The following SGCD variants were observed in gnomAD, a reference collection of about 807,000 sequenced individuals.
The protein encoded by SGCD is delta-sarcoglycan.
In SGCD, 18 loss-of-function variants were observed where a neutral mutation model predicts 36.6. The observed-to-expected ratio is 0.49, with a 90% CI of 0.34 to 0.73. The LOEUF is 0.73. Ranked by LOEUF, SGCD falls within the 30% of genes least tolerant of loss-of-function variation. The pLI, the probability that SGCD is intolerant of heterozygous loss-of-function variation, is 0.01. For missense variants in SGCD, 387 were observed against 346.7 expected, an observed-to-expected ratio of 1.12 and a Z score of -0.92; for synonymous variants, 133 against 130.6, an observed-to-expected ratio of 1.02 and a Z score of -0.12.
intron 4 of SGCD, among the ~76,000 whole-genome samples, chr5:156,573,196 C>G (rs1404488788): frequency 6.6e-6 from 1 of 152,120 alleles, no homozygotes; most frequent in Non-Finnish European, 1.5e-5. Flanking sequence ...AAGAGCTTTA[C>G]AGACTCAGCA....
At chr5:156,314,556 T>C (rs980733965) in intron 3 of SGCD, among the ~76,000 whole-genome samples, 1 of 152,034 alleles carries the variant, frequency 6.6e-6, no homozygotes, top group Non-Finnish European at 1.5e-5. Context: ...TACTCCAGCC[T>C]AGGCAGTATG....
chr5:156,661,858 C>T lies in SGCD; in HGVS notation c.575+14322C>T, dbSNP rs1186562969. ...TTTGTTATTCGTAATCTTGTCTGAC[C>T]GATTAATGTAGCTATTTGATCCAAG... is the stretch of plus-strand genomic sequence containing the variant. On this transcript the variant is annotated intron_variant, in intron 7 of 8. Transcript: ENST00000337851. Among the ~76,000 whole-genome samples the T allele has an allele frequency of 1.4e-4, 22 of 152,128 alleles. No individual in the cohort carries two copies. The Middle Eastern group carries it at 0.014, about 94-fold the overall frequency.
At chr5:156,688,119 T>G (rs1174479126) in intron 7 of SGCD, among the ~76,000 whole-genome samples, 1 of 152,122 alleles carries the variant, frequency 6.6e-6, no homozygotes, top group African/African-American at 2.4e-5. Context: ...TTAGGTAAAC[T>G]CGTGTCGCGG....
intron 8 of SGCD, chr5:156,758,038 T>C (rs1757406082): frequency 1.9e-6 from 2 of 1,069,006 alleles, no homozygotes; most frequent in Admixed American, 5.0e-5. Context: ...GTATATATTA[T>C]ACACATCTGG....
At chr5:156,342,995 G>A (rs1768744345) in intron 2 of SGCD, among the ~76,000 whole-genome samples, 1 of 152,122 alleles carries the variant, frequency 6.6e-6, no homozygotes, top group Admixed American at 6.5e-5. Context: ...ATTTCAGTTA[G>A]CCATAAGGAA....
the SGCD span, among the ~76,000 whole-genome samples, chr5:155,821,504 G>T: frequency 6.6e-6 from 1 of 152,116 alleles, no homozygotes; most frequent in South Asian, 2.1e-4. Flanking sequence ...TAGTAGAGAT[G>T]GGGTTTCACC....
Position 156,767,484 on chromosome 5 carries a change from G to GAAAAAAAA in SGCD, c.*8107_*8114dup, listed in dbSNP as rs397736317. 1.4e-5 allele frequency: 1 copy of GAAAAAAAA among 72,208 alleles called. No homozygotes were observed. Among genetic ancestry groups the GAAAAAAAA allele is most frequent in the African/African-American group, 4.5e-5 (1 of 22,322 alleles). The allele number at this position is 72,208 out of a possible 1,614,324, so 4.5% of individuals were successfully genotyped here. On this transcript the variant is annotated 3_prime_UTR_variant, in exon 9 of 9. Coordinates refer to ENST00000337851, the MANE Select transcript of SGCD (RefSeq NM_000337.6). Reference sequence around the variant, plus strand: ...GAAGTCCCATTTGCTTGGAGATTTTGAAAAAAAAAAAAAAAAAAAACCCAT... The same window carrying GAAAAAAAA: ...GAAGTCCCATTTGCTTGGAGATTTTGAAAAAAAAAAAAAAAAAAAAAAAAAAAACCCAT...
At chr5:156,330,016 C>CAAAAAAAAAAAA (rs758475764) in intron 2 of SGCD, among the ~76,000 whole-genome samples, 1 of 57,564 alleles carries the variant, frequency 1.7e-5, no homozygotes. Flanking sequence ...GATTCAGTCT[C>CAAAAAAAAAAAA]AAAAAAAAAA....
At chr5:156,056,675 A>C (rs968707999) in intron 1 of SGCD, among the ~76,000 whole-genome samples, 1 of 140,816 alleles carries the variant, frequency 7.1e-6, no homozygotes, top group African/African-American at 2.6e-5. Context: ...ACAGTCTCCA[A>C]ATTTTCAGAG....
chr5:156,121,098 A>G (rs965147543), intron 2 of SGCD, among the ~76,000 whole-genome samples: 10 of 152,154 alleles, frequency 6.6e-5, no homozygotes, highest in African/African-American at 2.4e-4. Flanking sequence ...TGGTCCAGAC[A>G]AAGTTGCCCA....
rs1403942187 is a variant in SGCD, at chr5:156,420,669, A to T, written c.192+75992A>T. On this transcript the variant is annotated intron_variant, in intron 3 of 8. Coordinates refer to ENST00000337851, the MANE Select transcript of SGCD (RefSeq NM_000337.6). ...GTGCTCAGGTTTTTGCTGAGATAAG[A>T]TATCAATGAGATATTTCCACCATGG... Among the ~76,000 whole-genome samples, 17 of 152,104 alleles carry T rather than the reference A, an allele frequency of 1.1e-4. 1 individual carries two copies. The highest frequency in any genetic ancestry group is 2.5e-4 in the Non-Finnish European group (17 of 67,996).
intron 7 of SGCD, among the ~76,000 whole-genome samples, chr5:156,654,184 G>C (rs143242587): frequency 1.3e-5 from 2 of 152,284 alleles, no homozygotes; most frequent in African/African-American, 4.8e-5. Context: ...ATGAGGTACA[G>C]ATGCTTATAT....
Position 156,237,582 on chromosome 5 carries a change from G to A in SGCD, c.-43-91952G>A, listed in dbSNP as rs1177774486. On this transcript the variant is annotated intron_variant, in intron 3 of 9. Coordinates refer to the SGCD transcript ENST00000517913. ...AGAGGTTGCAGTAAGCTGAGATCAC[G>A]CCACTGAACACCAGCCTGGGCAACA... Among the ~76,000 whole-genome samples the A allele has an allele frequency of 4.6e-5, 7 of 152,000 alleles. No homozygotes were observed. In the East Asian group the frequency reaches 5.8e-4, roughly 13 times the overall value.
At chr5:156,597,758 T>A (rs1760989991) in intron 6 of SGCD, among the ~76,000 whole-genome samples, 1 of 140,604 alleles carries the variant, frequency 7.1e-6, no homozygotes, top group South Asian at 2.3e-4. Flanking sequence ...ATACTCTTTT[T>A]ATAAAAGGTC....
At chr5:156,246,829 GACA>G in intron 3 of SGCD, among the ~76,000 whole-genome samples, 1 of 152,162 alleles carries the variant, frequency 6.6e-6, no homozygotes, top group East Asian at 1.9e-4. Context: ...TAGAAACACT[GACA>G]ACAACATACA....
At chr5:156,202,975 C>T (rs1040728426) in intron 3 of SGCD, among the ~76,000 whole-genome samples, 3 of 151,988 alleles carry the variant, frequency 2.0e-5, no homozygotes. Flanking sequence ...CAGGTTTTAA[C>T]AAAGTAAGAA....
At chr5:156,705,569 A>G (rs1754706182) in intron 7 of SGCD, among the ~76,000 whole-genome samples, 1 of 152,264 alleles carries the variant, frequency 6.6e-6, no homozygotes, top group Admixed American at 6.5e-5. Flanking sequence ...TTTAGAAGAT[A>G]CTATATCATC....
At chr5:155,942,326 G>GTATCTATCTATCTATCTATCTATC (rs200508490) in intron 1 of SGCD, among the ~76,000 whole-genome samples, 99 of 111,400 alleles carry the variant, frequency 8.9e-4, no homozygotes, top group Middle Eastern at 5.1e-3. Flanking sequence ...ATGTATGTAT[G>GTATCTATCTATCTATCTATCTATC]TATGTATGTA....
intron 1 of SGCD, among the ~76,000 whole-genome samples, chr5:155,995,350 T>C (rs1030596466): frequency 1.3e-5 from 2 of 152,202 alleles, no homozygotes; most frequent in African/African-American, 4.8e-5. Flanking sequence ...AACATGTAGA[T>C]ATAAAATATA....
Sources: allele counts gnomAD v4.1 joint callset (sites outside exome capture counted in the v4.1 genomes callset), GRCh38; gene constraint gnomAD v4.1.1; transcripts MANE v1.5; gene names NCBI Gene and HGNC (gene_info 2026-07-23, HGNC 2026-07-21).